The following MTR variants were observed in gnomAD, a reference collection of about 807,000 sequenced individuals.
The protein encoded by MTR is methionine synthase.
MTR carries 84 observed loss-of-function variants against 154.8 expected under a neutral mutation model. The observed-to-expected ratio is 0.54, with a 90% CI of 0.45 to 0.65. MTR has a LOEUF of 0.65. Ranked by LOEUF, MTR falls within the 30% of genes least tolerant of loss-of-function variation. The pLI is 0.00. For synonymous variants in MTR, 554 were observed against 553.9 expected, an observed-to-expected ratio of 1.00 and a Z score of 0.00; for missense variants, 1,275 against 1,570.2, an observed-to-expected ratio of 0.81 and a Z score of 3.18.
At position 236,903,400 on chromosome 1, in the gene MTR, C is replaced by T. The variant is rs16834543; in HGVS notation, c.*5756C>T. ...AAGTAACCCCTAAACTCAGCCAGTC[C>T]CATGTTTTTTTAACACTTGGAATAT... On this transcript the variant is annotated 3_prime_UTR_variant, in exon 33 of 33. Transcript: ENST00000366577. The T allele has an allele frequency of 1.3e-5, 2 of 152,038 alleles. No homozygotes were observed. The highest frequency in any genetic ancestry group is 4.8e-5 in the African/African-American group (2 of 41,384). 9.4% of individuals were successfully genotyped at this position (152,038 alleles called of 1,614,324 possible).
chr1:236,882,821 G>A (rs1468209772), intron 25 of MTR, among the ~76,000 whole-genome samples: 7 of 152,198 alleles, frequency 4.6e-5, no homozygotes, highest in Admixed American at 6.5e-5. Flanking sequence ...AGCTCCTCCC[G>A]TGTACAAAGA....
chr1:236,861,110 T>TTTTGTTTTTTTTTTTTTTA lies in MTR; in HGVS notation c.2044-10_2044-9insTTTTTTTTTTTTTATTTGT. ...TTCTTTCTTTTTCTTTTTTTTTTTT[T>TTTTGTTTTTTTTTTTTTTA]TTTGTCTTTTTTAGGGCATTGAAAA... is the stretch of plus-strand genomic sequence containing the variant. On this transcript the variant is annotated splice_polypyrimidine_tract_variant and intron_variant, in intron 19 of 32. Transcript: ENST00000366577. The TTTTGTTTTTTTTTTTTTTA allele has an allele frequency of 6.5e-7, 1 of 1,531,876 alleles. No homozygotes were observed. 94.9% of individuals were successfully genotyped at this position (1,531,876 alleles called of 1,614,324 possible).
In MTR at chr1:236,902,050, C is replaced by G. The variant is rs920532035; in HGVS notation, c.*4406C>G. On this transcript the variant is annotated 3_prime_UTR_variant, in exon 33 of 33. Transcript: ENST00000366577. ...CCGGGTTGGTTCCCACCTCCTAGAG[C>G]TGGAAGAGTGGGCTCTCTGATTCTT... is the stretch of plus-strand genomic sequence containing the variant. 2 of 152,348 alleles carry G rather than the reference C, an allele frequency of 1.3e-5. No homozygotes were observed. The highest frequency in any genetic ancestry group is 4.8e-5 in the African/African-American group (2 of 41,440). The allele number at this position is 152,348 out of a possible 1,614,324, so 9.4% of individuals were successfully genotyped here.
intron 12 of MTR, among the ~76,000 whole-genome samples, 183 bp from the exon 13 acceptor site, chr1:236,831,783 C>G (rs973828304): frequency 1.3e-5 from 2 of 152,192 alleles, no homozygotes; most frequent in Non-Finnish European, 1.5e-5. Flanking sequence ...TAACAAATAG[C>G]CTTTACTGCA....
At chr1:236,819,581 G>T (rs1382945741) in intron 8 of MTR, 2 of 410,362 alleles carry the variant, frequency 4.9e-6, no homozygotes, top group Middle Eastern at 7.9e-4. Context: ...ACTCACAGAG[G>T]GGTCCATCCG....
At chr1:236,806,065 G>A (rs1572185665) in intron 2 of MTR, 79 bp from the exon 3 acceptor site, 2 of 1,137,126 alleles carry the variant, frequency 1.8e-6, no homozygotes, top group Non-Finnish European at 2.7e-6. Flanking sequence ...TGATAATGGT[G>A]GTAATGAAAG....
intron 31 of MTR, 88 bp from the exon 32 acceptor site, chr1:236,896,918 C>A: frequency 1.1e-6 from 1 of 946,494 alleles, no homozygotes; most frequent in Non-Finnish European, 1.7e-6. Context: ...TTCACTTGTT[C>A]AACAAGAGTT....
At chr1:236,834,620 C>A (rs570253938) in intron 13 of MTR, among the ~76,000 whole-genome samples, 45 of 148,964 alleles carry the variant, frequency 3.0e-4, no homozygotes, top group Non-Finnish European at 1.0e-4. Flanking sequence ...TTTTTTTTTT[C>A]CTTGGGCTAA....
intron 14 of MTR, 133 bp downstream of exon 14, chr1:236,835,820 GT>G (rs1662875140): frequency 1.6e-6 from 2 of 1,221,982 alleles, no homozygotes; most frequent in Admixed American, 1.7e-5. Context: ...AAACAGGGTA[GT>G]TTCTGATTGT....
At chr1:236,880,967 A>G in intron 25 of MTR, 131 bp downstream of exon 25, 1 of 910,880 alleles carries the variant, frequency 1.1e-6, no homozygotes, top group Non-Finnish European at 1.8e-6. Flanking sequence ...CCTGAGGCTC[A>G]TGGTGTGCCT....
intron 12 of MTR, among the ~76,000 whole-genome samples, chr1:236,829,606 A>G (rs888433298): frequency 5.9e-5 from 9 of 152,302 alleles, no homozygotes; most frequent in Admixed American, 5.9e-4. Flanking sequence ...GGTTGATACT[A>G]GTTACTGAAA....
intron 14 of MTR, among the ~76,000 whole-genome samples, 178 bp downstream of exon 14, chr1:236,835,865 A>C (rs1662877236): frequency 6.6e-6 from 1 of 152,148 alleles, no homozygotes. Context: ...CTTTCCAGAT[A>C]AAGCAGATCT....
At position 236,795,501 on chromosome 1, in the gene MTR, A is replaced by C; in HGVS notation, c.-203A>C. ...ACGTGCTCCAGCAGTTGCCGCGCCC[A>C]GCCCCGAGAGAGGCCCTAGGGCGCT... On this transcript the variant is annotated 5_prime_UTR_variant, in exon 1 of 33. Coordinates refer to ENST00000366577, the MANE Select transcript of MTR (RefSeq NM_000254.3). 6.6e-7 allele frequency: 1 copy of C among 1,521,354 alleles called. No individual in the cohort carries two copies. Among genetic ancestry groups the C allele is most frequent in the Non-Finnish European group, 8.8e-7 (1 of 1,137,314 alleles). The allele number at this position is 1,521,354 out of a possible 1,614,324, so 94.2% of individuals were successfully genotyped here.
intron 15 of MTR, among the ~76,000 whole-genome samples, chr1:236,840,489 T>C (rs1558301701): frequency 6.6e-6 from 1 of 152,018 alleles, no homozygotes. Context: ...CAGGGAAGAG[T>C]TGGCCTGTTC....
intron 31 of MTR, 120 bp from the exon 32 acceptor site, chr1:236,896,886 A>G (rs898490471): frequency 2.5e-6 from 2 of 792,776 alleles, no homozygotes; most frequent in Non-Finnish European, 4.6e-6. Context: ...GTGTCTACCT[A>G]GAAGGCATGA....
chr1:236,812,898 C>A, intron 6 of MTR, 54 bp downstream of exon 6: 1 of 1,322,082 alleles, frequency 7.6e-7, no homozygotes, highest in Non-Finnish European at 1.1e-6. Context: ...GTGGGTGAGT[C>A]CCCTAATGTA....
intron 4 of MTR, 136 bp downstream of exon 4, chr1:236,808,909 G>A (rs1038565294): frequency 5.5e-5 from 43 of 779,736 alleles, no homozygotes; most frequent in Non-Finnish European, 8.8e-5. Context: ...TATTTTACAT[G>A]TTTGTAGATT....
chr1:236,852,991 T>G lies in MTR; in HGVS notation c.1856T>G (p.Val619Gly). 1 of 1,614,048 alleles carries G rather than the reference T, an allele frequency of 6.2e-7. No homozygotes were observed. The highest frequency in any genetic ancestry group is 8.5e-7 in the Non-Finnish European group (1 of 1,179,906). The change falls in exon 18 of 33, where the codon GTG becomes GGG. Residue 619 changes from valine (V) to glycine (G), a missense_variant. Physicochemically the swap from Val to Gly is moderately radical, Grantham distance 109. Transcript: ENST00000366577. ...MGIVNAGNLP[V>G]YDDIHKELLQ... is the part of the protein sequence containing the mutation. The stretch of plus-strand genomic sequence containing the variant: ...ATAGTGAATGCTGGAAACCTCCCTG[T>G]GTATGATGATATCCATAAGGAACTT...
chr1:236,894,882 TA>T (rs1357649938), intron 30 of MTR: 2 of 395,792 alleles, frequency 5.1e-6, no homozygotes, highest in Non-Finnish European at 4.6e-6. Flanking sequence ...CCCAAAAAAT[TA>T]AAAACAAATT....
Sources: gnomAD v4.1 joint callset for allele counts (sites outside exome capture counted in the v4.1 genomes callset) on GRCh38, gnomAD v4.1.1 for gene constraint, MANE v1.5 for transcripts, NCBI Gene and HGNC (gene_info 2026-07-23, HGNC 2026-07-21) for gene names.